Variants in LAMA1 observed in about 807,000 individuals in gnomAD.
LAMA1 encodes laminin subunit alpha 1, also known as laminin subunit alpha-1.
In LAMA1, 219 loss-of-function variants were observed where a neutral mutation model predicts 348.7. The ratio of observed to expected loss-of-function variants is 0.63; its 90% CI spans 0.56 to 0.70. The LOEUF is 0.70. Ranked by LOEUF, LAMA1 falls within the 30% of genes least tolerant of loss-of-function variation. The pLI is 0.00. For synonymous variants in LAMA1, 1,487 were observed against 1,491.0 expected (o/e 1.00, Z 0.06); for missense variants, 3,744 against 3,888.0 (o/e 0.96, Z 0.99).
intron 49 of LAMA1, 145 bp downstream of exon 49, chr18:6,966,002 T>C (rs968097045): frequency 2.4e-6 from 2 of 819,050 alleles, no homozygotes; most frequent in African/African-American, 3.5e-5. Context: ...CACACACATA[T>C]ATTAATACTA....
At chr18:7,076,351 G>A (rs1460184650) in intron 3 of LAMA1, among the ~76,000 whole-genome samples, 3 of 152,186 alleles carry the variant, frequency 2.0e-5, no homozygotes, top group African/African-American at 7.2e-5. Context: ...AACCAGCCCT[G>A]GGTGCCTCCT....
At chr18:7,024,299 C>T (rs2057932497) in intron 18 of LAMA1, 81 bp downstream of exon 18, 4 of 1,072,044 alleles carry the variant, frequency 3.7e-6, no homozygotes, top group Non-Finnish European at 5.6e-6. Context: ...CAAAACCACA[C>T]TTAACTACGC....
At chr18:6,955,132 C>T (rs2057569261) in intron 57 of LAMA1, 2 of 576,798 alleles carry the variant, frequency 3.5e-6, no homozygotes, top group South Asian at 4.0e-5. Context: ...AGCCACTCTC[C>T]AGAAGGGAAA....
chr18:7,035,883 C>A (rs1598291321), intron 13 of LAMA1, 104 bp downstream of exon 13: 2 of 917,814 alleles, frequency 2.2e-6, no homozygotes, highest in East Asian at 2.5e-5. Flanking sequence ...GCCACCTGGC[C>A]ACCAGCTCCT....
intron 19 of LAMA1, among the ~76,000 whole-genome samples, chr18:7,019,799 A>G (rs1483812071): frequency 6.8e-6 from 1 of 146,202 alleles, no homozygotes; most frequent in Non-Finnish European, 1.5e-5. Context: ...CTCCCACCTC[A>G]GCCTCCCAAG....
rs2058007717 is a variant in LAMA1 at position 7,038,792 on chromosome 18, G to GCT, written c.1563+17_1563+18insAG. 2 of 1,593,708 alleles carry GCT rather than the reference G, an allele frequency of 1.3e-6. No homozygotes were observed. Among genetic ancestry groups the GCT allele is most frequent in the South Asian group, 2.2e-5 (2 of 90,716 alleles). ...CGACCTGCTCATTAAATCCCGCCGC[G>GCT]CAGATGGCGCCTCCCACCTGACCAA... On this transcript the variant is annotated intron_variant, in intron 11 of 62. Transcript: ENST00000389658.
chr18:7,037,573 C>G lies in LAMA1; in HGVS notation c.1737+5G>C. ...AGACATCGCTACCTGCAGGGTCACA[C>G]GCACCTTATTTCCAAGGTAGGCCTC... On this transcript the variant is annotated splice_donor_5th_base_variant and intron_variant, in intron 12 of 62. Transcript: ENST00000389658. 6.2e-7 allele frequency: 1 copy of G among 1,613,970 alleles called. No individual in the cohort carries two copies. The highest frequency in any genetic ancestry group is 1.7e-4 in the Middle Eastern group (1 of 6,022).
chr18:7,066,122 T>C (rs1568053264), intron 3 of LAMA1, among the ~76,000 whole-genome samples: 1 of 152,206 alleles, frequency 6.6e-6, no homozygotes, highest in African/African-American at 2.4e-5. Flanking sequence ...GAGTAATATA[T>C]TTTTAATTTC....
rs34638671 is a variant in LAMA1, at chr18:7,112,641, A to ATTT, written c.61+5016_61+5018dup. 3.6e-4 allele frequency among the ~76,000 whole-genome samples: 52 copies of ATTT among 145,038 alleles called. No individual in the cohort carries two copies. In the East Asian group the frequency reaches 6.8e-3, roughly 19 times the overall value. ...ATATGTATTTTATATATATATATACATTTTTTTTTTTTGAGACAGAGTTTC... is the reference window on the plus strand; with the variant it reads ...ATATGTATTTTATATATATATATACATTTTTTTTTTTTTTTGAGACAGAGTTTC... On this transcript the variant is annotated intron_variant, in intron 1 of 62. Coordinates refer to ENST00000389658, the MANE Select transcript of LAMA1 (RefSeq NM_005559.4).
At chr18:7,116,145 C>T (rs1693296023) in intron 1 of LAMA1, among the ~76,000 whole-genome samples, 1 of 152,202 alleles carries the variant, frequency 6.6e-6, no homozygotes, top group African/African-American at 2.4e-5. Context: ...CCCACTTTCT[C>T]CAAAAACCAC....
chr18:7,114,262 C>G (rs569724153), intron 1 of LAMA1, among the ~76,000 whole-genome samples: 1 of 152,288 alleles, frequency 6.6e-6, no homozygotes, highest in East Asian at 1.9e-4. Context: ...ACACCCTACA[C>G]TGTGCTAATA....
At chr18:7,011,200 C>T (rs2057858091) in intron 25 of LAMA1, 100 bp downstream of exon 25, 2 of 1,331,042 alleles carry the variant, frequency 1.5e-6, no homozygotes, top group East Asian at 2.5e-5. Flanking sequence ...TTAATAACTA[C>T]TTCTTTAAAT....
chr18:7,078,611 T>G (rs546947838), intron 3 of LAMA1, among the ~76,000 whole-genome samples: 1 of 152,358 alleles, frequency 6.6e-6, no homozygotes, highest in East Asian at 1.9e-4. Context: ...GAGCTGCACA[T>G]CTTGCTACCT....
Position 6,978,354 on chromosome 18 carries a change from GT to G in LAMA1, c.6031del (p.Thr2011ProfsTer13). The G allele has an allele frequency of 6.2e-7, 1 of 1,613,992 alleles. No homozygotes were observed. Among genetic ancestry groups the G allele is most frequent in the African/African-American group, 1.3e-5 (1 of 75,024 alleles). Reference protein sequence around the residue: ...PKGIRDKGAKTKELATSASQS... With the variant: ...PKGIRDKGAKXKELATSASQS... ...GCTTGCAGACGTGGCCAGCTCTTTG[GT>G]TTTGGCTCCCTTGTCTCTTATACCT... On this transcript the variant is annotated frameshift_variant, in exon 43 of 63. Coordinates refer to ENST00000389658, the MANE Select transcript of LAMA1 (RefSeq NM_005559.4). LOFTEE classifies it high-confidence loss of function.
intron 26 of LAMA1, among the ~76,000 whole-genome samples, chr18:7,009,748 T>C (rs766748177): frequency 2.0e-5 from 3 of 152,170 alleles, no homozygotes; most frequent in Admixed American, 6.5e-5. Flanking sequence ...AAAACTAATA[T>C]ACATTTCTTG....
Position 7,010,199 on chromosome 18 carries a change from C to T in LAMA1, c.3873+1G>A. On this transcript the variant is annotated splice_donor_variant, in intron 26 of 62. Coordinates refer to ENST00000389658, the MANE Select transcript of LAMA1 (RefSeq NM_005559.4). LOFTEE classifies it high-confidence loss of function. ...CTTCTATGAAAAGATCCCATTATCA[C>T]CTCTCTCATTGCTACTTCTTGTTCC... The T allele has an allele frequency of 6.2e-7, 1 of 1,614,064 alleles. No homozygotes were observed. Among genetic ancestry groups the T allele is most frequent in the Non-Finnish European group, 8.5e-7 (1 of 1,179,946 alleles).
chr18:7,067,513 G>A (rs2058127437), intron 3 of LAMA1, among the ~76,000 whole-genome samples: 1 of 152,048 alleles, frequency 6.6e-6, no homozygotes, highest in Admixed American at 6.5e-5. Flanking sequence ...CTGGCTGCTG[G>A]GAGGGAGGAG....
rs749387562 is a variant in LAMA1, at chr18:6,977,700, A to ACGAAAGCC, written c.6345+19_6345+26dup. The ACGAAAGCC allele has an allele frequency of 8.7e-6, 14 of 1,613,590 alleles. No homozygotes were observed. The East Asian group carries it at 1.1e-4, about 13-fold the overall frequency. On this transcript the variant is annotated intron_variant, in intron 44 of 62. Coordinates refer to ENST00000389658, the MANE Select transcript of LAMA1 (RefSeq NM_005559.4). Reference sequence around the variant, plus strand: ...ACCCCACATGACTGAGAGCCCAGTTACGAAAGCCACGGGGCCCCAAACTCA... The same window carrying ACGAAAGCC: ...ACCCCACATGACTGAGAGCCCAGTTACGAAAGCCCGAAAGCCACGGGGCCCCAAACTCA...
rs1183055986 is a variant in LAMA1, at chr18:6,958,740, C to T, written c.7779-78G>A. The T allele has an allele frequency of 4.2e-6, 5 of 1,197,664 alleles. No homozygotes were observed. In the African/African-American group the frequency reaches 4.6e-5, roughly 11 times the overall value. The allele number at this position is 1,197,664 out of a possible 1,614,324, so 74.2% of individuals were successfully genotyped here. ...TAATTCCATTTTAGTCCATAATTCC[C>T]ACAAGTTCTCACTGAATAATAAAAG... On this transcript the variant is annotated intron_variant, in intron 54 of 62. Coordinates refer to ENST00000389658, the MANE Select transcript of LAMA1 (RefSeq NM_005559.4).
Sources: gnomAD v4.1 joint callset for allele counts (sites outside exome capture counted in the v4.1 genomes callset) on GRCh38, gnomAD v4.1.1 for gene constraint, MANE v1.5 for transcripts, NCBI Gene and HGNC (gene_info 2026-07-23, HGNC 2026-07-21) for gene names.